The following CD96 variants were observed in gnomAD, a reference collection of about 807,000 sequenced individuals.
The protein encoded by CD96 is CD96 molecule.
Under a neutral mutation model 71.3 loss-of-function variants are expected in CD96, and 70 were observed. That is an observed-to-expected ratio of 0.98 (90% CI 0.81 to 1.20). The LOEUF is 1.20. CD96 is among the 50% of genes most tolerant of loss of function. The probability of loss-of-function intolerance (pLI) is 0.00; values close to 1 mark genes in which losing one functional copy is unlikely to be tolerated. For missense variants in CD96, 742 were observed against 677.5 expected (o/e 1.10, Z -1.06); for synonymous variants, 248 against 233.0 (o/e 1.06, Z -0.59).
rs533117549 is a variant in CD96, at chr3:111,650,477, T to C, written c.*671T>C. 121 of 153,738 alleles carry C rather than the reference T, an allele frequency of 7.9e-4. No homozygotes were observed. Among genetic ancestry groups the C allele is most frequent in the Non-Finnish European group, 1.2e-3 (82 of 69,000 alleles). 9.5% of individuals were successfully genotyped at this position (153,738 alleles called of 1,614,324 possible). A position where few individuals can be genotyped will look rare whatever the true frequency, so the allele number is the denominator to read the frequency against. Reference sequence around the variant, plus strand: ...ATAATTAGCCAAAAACCCAGTAGCCTAGAAGATACAAAACTCCACTGGCCT... The same window carrying C: ...ATAATTAGCCAAAAACCCAGTAGCCCAGAAGATACAAAACTCCACTGGCCT... On this transcript the variant is annotated 3_prime_UTR_variant, in exon 14 of 14. Transcript: ENST00000352690.
intron 5 of CD96, among the ~76,000 whole-genome samples, chr3:111,589,281 A>G (rs935872336): frequency 6.6e-6 from 1 of 152,100 alleles, no homozygotes; most frequent in Non-Finnish European, 1.5e-5. Flanking sequence ...TCTCTAATAG[A>G]TTCTTGGTGC....
rs766450137 is a variant in CD96, at chr3:111,567,522, G to C, written c.419-1G>C. ...ATTTTCTACCTTATGTTTTGTTACA[G>C]TTACAGCAGATGAATGGAACAGCAA... On this transcript the variant is annotated splice_acceptor_variant, in intron 2 of 13. Transcript: ENST00000352690. LOFTEE classifies it high-confidence loss of function. The C allele has an allele frequency of 6.2e-7, 1 of 1,606,048 alleles. No homozygotes were observed. Among genetic ancestry groups the C allele is most frequent in the Non-Finnish European group, 8.5e-7 (1 of 1,172,956 alleles).
chr3:111,570,732 T>A lies in CD96; in HGVS notation c.543+3085T>A. On this transcript the variant is annotated intron_variant, in intron 3 of 13. Transcript: ENST00000352690. ...AGCATCATAGATGGGGTTGATCTTG[T>A]CCAGATACTCTTCCTCCTCCTCCCC... The A allele has an allele frequency of 3.7e-6, 6 of 1,613,304 alleles. No homozygotes were observed. In the South Asian group the frequency reaches 6.6e-5, roughly 18 times the overall value.
At chr3:111,649,527 G>C (rs529904969) in intron 13 of CD96, among the ~76,000 whole-genome samples, 171 bp from the exon 14 acceptor site, 1 of 152,340 alleles carries the variant, frequency 6.6e-6, no homozygotes, top group South Asian at 2.1e-4. Flanking sequence ...AGGTTCAAAT[G>C]TGACTAACAG....
intron 6 of CD96, 42 bp from the exon 7 acceptor site, chr3:111,600,684 A>T (rs1260942430): frequency 7.1e-7 from 1 of 1,414,626 alleles, no homozygotes; most frequent in East Asian, 2.3e-5. Flanking sequence ...TGGCTCATAC[A>T]TAAAATGTTA....
chr3:111,657,771 AATATGTGTGTGT>A (rs1241012032), intron 14 of CD96, among the ~76,000 whole-genome samples: 1 of 151,760 alleles, frequency 6.6e-6, no homozygotes, highest in Non-Finnish European at 1.5e-5. Context: ...TGATTTCCAC[AATATGTGTGTGT>A]ATATGTGTGT....
intron 8 of CD96, among the ~76,000 whole-genome samples, chr3:111,609,087 A>G (rs1213628167): frequency 1.3e-5 from 2 of 152,204 alleles, no homozygotes; most frequent in Admixed American, 6.5e-5. Flanking sequence ...TATGTATTGT[A>G]TATATTTGAC....
At chr3:111,588,948 T>TTTTTTC (rs1936840601) in intron 5 of CD96, among the ~76,000 whole-genome samples, 1 of 149,058 alleles carries the variant, frequency 6.7e-6, no homozygotes, top group South Asian at 2.1e-4. Context: ...TTGTTTCTTT[T>TTTTTTC]TTTTTCTTTT....
rs1305116850 is a variant in CD96 at position 111,556,914 on chromosome 3, G to A, written c.419-10609G>A. 4.7e-4 allele frequency among the ~76,000 whole-genome samples: 61 copies of A among 128,626 alleles called. 2 individuals are homozygous for A. Among genetic ancestry groups the A allele is most frequent in the Non-Finnish European group, 3.9e-4 (24 of 61,794 alleles). The allele number at this position is 128,626 out of a possible 152,430, so 84.4% of individuals were successfully genotyped here. ...TTGTCATTCTAACTGGTGTGAGATG[G>A]TATCTCATAGTGGTTTTGATTTGCA... On this transcript the variant is annotated intron_variant, in intron 2 of 13. Coordinates refer to ENST00000352690, the MANE Select transcript of CD96 (RefSeq NM_005816.5).
chr3:111,587,681 G>A (rs890463742), intron 5 of CD96, among the ~76,000 whole-genome samples: 2 of 152,190 alleles, frequency 1.3e-5, no homozygotes, highest in Admixed American at 1.3e-4. Flanking sequence ...TTTTGCCTGG[G>A]CATCCAGGCA....
intron 5 of CD96, among the ~76,000 whole-genome samples, chr3:111,596,235 AAAT>A (rs1252486259): frequency 6.6e-6 from 1 of 152,034 alleles, no homozygotes; most frequent in Non-Finnish European, 1.5e-5. Context: ...GCATAGCAGA[AAAT>A]ATGTAGAGGT....
At chr3:111,657,433 T>G (rs1940257769) in intron 14 of CD96, among the ~76,000 whole-genome samples, 1 of 151,680 alleles carries the variant, frequency 6.6e-6, no homozygotes, top group South Asian at 2.1e-4. Flanking sequence ...AAAAACCTAA[T>G]TCAAGTAGCT....
chr3:111,618,090 G>A (rs910754679), intron 8 of CD96, among the ~76,000 whole-genome samples: 1 of 152,246 alleles, frequency 6.6e-6, no homozygotes, highest in Non-Finnish European at 1.5e-5. Context: ...AGCAGCCAGT[G>A]TGCCTGGCTG....
In CD96 at chr3:111,651,618, C is replaced by T. The variant is rs1237630400; in HGVS notation, c.*1812C>T. The T allele has an allele frequency of 6.6e-6, 1 of 152,598 alleles. No individual in the cohort carries two copies. Among genetic ancestry groups the T allele is most frequent in the African/African-American group, 2.4e-5 (1 of 41,442 alleles). The allele number at this position is 152,598 out of a possible 1,614,324, so 9.5% of individuals were successfully genotyped here. On this transcript the variant is annotated 3_prime_UTR_variant, in exon 14 of 14. Transcript: ENST00000352690. ...CCTGTCGTGGCCGGGCGCAGTGGCT[C>T]ACGCCTGTAATCCCAGCACTTTGGG...
At chr3:111,547,528 T>C (rs1180944406) in intron 2 of CD96, among the ~76,000 whole-genome samples, 2 of 152,116 alleles carry the variant, frequency 1.3e-5, no homozygotes, top group Non-Finnish European at 2.9e-5. Flanking sequence ...TTATAGGAAA[T>C]AGAATAAGTG....
chr3:111,623,526 C>T (rs1366136875), intron 8 of CD96, among the ~76,000 whole-genome samples: 1 of 152,096 alleles, frequency 6.6e-6, no homozygotes, highest in Non-Finnish European at 1.5e-5. Flanking sequence ...GAATATAATA[C>T]ATTTAGAATT....
rs1338107258 is a variant in CD96, at chr3:111,592,401, A to C, written c.808-5719A>C. On this transcript the variant is annotated intron_variant, in intron 5 of 13. Transcript: ENST00000352690. ...ATGCAGTTAGCATTTCAGAGGTATG[A>C]GTAAAATCTAAAACCTACTGTTCAA... Among the ~76,000 whole-genome samples, 3 of 152,232 alleles carry C rather than the reference A, an allele frequency of 2.0e-5. No homozygotes were observed. In the East Asian group the frequency reaches 5.8e-4, roughly 29 times the overall value.
intron 5 of CD96, among the ~76,000 whole-genome samples, chr3:111,588,660 A>G (rs1936827038): frequency 1.3e-5 from 2 of 152,178 alleles, no homozygotes; most frequent in Non-Finnish European, 2.9e-5. Context: ...AAAAGGTTAT[A>G]ATAACCATCA....
At chr3:111,647,735 T>C in intron 13 of CD96, 69 bp downstream of exon 13, 1 of 1,149,168 alleles carries the variant, frequency 8.7e-7, no homozygotes, top group Non-Finnish European at 1.3e-6. Context: ...CAGTACAATA[T>C]ATTATTACTC....
Sources: gnomAD v4.1 joint callset for allele counts (sites outside exome capture counted in the v4.1 genomes callset) on GRCh38, gnomAD v4.1.1 for gene constraint, MANE v1.5 for transcripts, NCBI Gene and HGNC (gene_info 2026-07-23, HGNC 2026-07-21) for gene names.